The following BNC2 variants were observed in gnomAD, a reference collection of about 807,000 sequenced individuals.
The protein encoded by BNC2 is zinc finger protein basonuclin-2.
BNC2 carries 20 observed loss-of-function variants against 76.3 expected under a neutral mutation model. The observed-to-expected ratio is 0.26, with a 90% CI of 0.18 to 0.38. BNC2 has a LOEUF of 0.38. Among genes scored for constraint, BNC2 ranks in the 10% least tolerant of loss-of-function variants. BNC2 has a pLI of 1.00. For synonymous variants in BNC2, 582 were observed against 514.8 expected, an observed-to-expected ratio of 1.13 and a Z score of -1.77; for missense variants, 1,382 against 1,399.8, an observed-to-expected ratio of 0.99 and a Z score of 0.20.
chr9:16,417,698 T>G lies in BNC2; in HGVS notation c.*1291A>C, dbSNP rs1820613967. 6.6e-6 allele frequency: 1 copy of G among 152,670 alleles called. No homozygotes were observed. The highest frequency in any genetic ancestry group is 2.1e-4 in the South Asian group (1 of 4,836). The allele number at this position is 152,670 out of a possible 1,614,324, so 9.5% of individuals were successfully genotyped here. A position where few individuals can be genotyped will look rare whatever the true frequency, so the allele number is the denominator to read the frequency against. On this transcript the variant is annotated 3_prime_UTR_variant, in exon 7 of 7. Transcript: ENST00000380672. ...AGGGCCTTGGAAATGAGTGTTCGAC[T>G]CTTTTACTGTATTCATCTTTGTTCC...
intron 3 of BNC2, among the ~76,000 whole-genome samples, chr9:16,719,726 C>T (rs932257887): frequency 6.6e-6 from 1 of 152,126 alleles, no homozygotes; most frequent in East Asian, 1.9e-4. Context: ...AAGAGTGAAT[C>T]CTCCTCATGT....
At chr9:16,521,565 A>G (rs1024968798) in intron 5 of BNC2, among the ~76,000 whole-genome samples, 3 of 152,214 alleles carry the variant, frequency 2.0e-5, no homozygotes, top group Admixed American at 6.5e-5. Flanking sequence ...GAAAAGAGTA[A>G]TGTACTCTTC....
At chr9:16,859,699 T>C (rs540659175) in intron 1 of BNC2, among the ~76,000 whole-genome samples, 1 of 152,188 alleles carries the variant, frequency 6.6e-6, no homozygotes, top group African/African-American at 2.4e-5. Flanking sequence ...TTCCCAGGGC[T>C]GGGAGGAAAA....
At chr9:16,851,629 C>T (rs1171696148) in intron 1 of BNC2, among the ~76,000 whole-genome samples, 1 of 152,192 alleles carries the variant, frequency 6.6e-6, no homozygotes, top group Non-Finnish European at 1.5e-5. Flanking sequence ...TAAAACTTTT[C>T]ATAGCAATGA....
intron 1 of BNC2, among the ~76,000 whole-genome samples, chr9:16,830,467 T>G (rs1818555162): frequency 6.6e-6 from 1 of 152,238 alleles, no homozygotes; most frequent in Non-Finnish European, 1.5e-5. Flanking sequence ...AAATATTTGA[T>G]ATACTATACT....
At chr9:16,487,640 A>C (rs1167096392) in intron 5 of BNC2, among the ~76,000 whole-genome samples, 3 of 152,246 alleles carry the variant, frequency 2.0e-5, no homozygotes, top group Non-Finnish European at 4.4e-5. Flanking sequence ...GCCAAGTCCT[A>C]TGAGAAAAAA....
chr9:16,598,675 T>C (rs1587218198), intron 3 of BNC2, among the ~76,000 whole-genome samples: 1 of 152,326 alleles, frequency 6.6e-6, no homozygotes, highest in African/African-American at 2.4e-5. Flanking sequence ...CCTGTCATTA[T>C]AGAAAAGCAT....
chr9:16,691,323 T>C (rs1267489842), intron 3 of BNC2, among the ~76,000 whole-genome samples: 1 of 152,140 alleles, frequency 6.6e-6, no homozygotes, highest in Non-Finnish European at 1.5e-5. Flanking sequence ...TTGATAAAAA[T>C]GGATAGAAGT....
intron 4 of BNC2, among the ~76,000 whole-genome samples, chr9:16,572,896 C>A (rs1188292941): frequency 1.7e-4 from 26 of 152,102 alleles, no homozygotes; most frequent in Non-Finnish European, 1.5e-5. Flanking sequence ...CAAATATATT[C>A]TCTCATACCT....
chr9:16,744,029 C>G (rs567637026), intron 1 of BNC2, among the ~76,000 whole-genome samples: 6 of 152,100 alleles, frequency 3.9e-5, no homozygotes, highest in Non-Finnish European at 7.4e-5. Context: ...TGCAGTGGCG[C>G]GATCTCTGCT....
At chr9:16,687,995 A>G (rs1354296019) in intron 3 of BNC2, among the ~76,000 whole-genome samples, 2 of 152,198 alleles carry the variant, frequency 1.3e-5, no homozygotes, top group African/African-American at 4.8e-5. Context: ...GGAAGTGGGT[A>G]CATTTTCAAA....
chr9:16,769,249 C>G (rs1231889994), intron 1 of BNC2, among the ~76,000 whole-genome samples: 1 of 152,168 alleles, frequency 6.6e-6, no homozygotes, highest in Non-Finnish European at 1.5e-5. Context: ...GGTCTGCAGG[C>G]TTCATGAGCA....
At chr9:16,798,525 G>A (rs900776311) in intron 1 of BNC2, among the ~76,000 whole-genome samples, 2 of 152,134 alleles carry the variant, frequency 1.3e-5, no homozygotes, top group African/African-American at 4.8e-5. Context: ...AAGTGACAAA[G>A]CAGTCTCTTG....
At chr9:16,609,035 GAACACAGCCTTGTGAAAGAT>G (rs1287420020) in intron 3 of BNC2, among the ~76,000 whole-genome samples, 1 of 152,110 alleles carries the variant, frequency 6.6e-6, no homozygotes, top group Non-Finnish European at 1.5e-5. Flanking sequence ...TTAGCACCTA[GAACACAGCCTTGTGAAAGAT>G]GCGCAACATG....
At chr9:16,443,489 C>T (rs1027878339) in intron 5 of BNC2, among the ~76,000 whole-genome samples, 1 of 151,820 alleles carries the variant, frequency 6.6e-6, no homozygotes, top group Non-Finnish European at 1.5e-5. Context: ...AAATTTCAAG[C>T]CTACCTAGCT....
intron 3 of BNC2, among the ~76,000 whole-genome samples, chr9:16,716,368 A>C (rs977156581): frequency 6.6e-6 from 1 of 152,228 alleles, no homozygotes; most frequent in African/African-American, 2.4e-5. Flanking sequence ...CAAATGACCC[A>C]AAAAGTCATG....
At chr9:16,691,867 G>C (rs1823183461) in intron 3 of BNC2, among the ~76,000 whole-genome samples, 1 of 144,698 alleles carries the variant, frequency 6.9e-6, no homozygotes. Flanking sequence ...CTGGAGTGCA[G>C]TGGCGCAATC....
At chr9:16,767,662 T>G (rs913592880) in intron 1 of BNC2, among the ~76,000 whole-genome samples, 4 of 152,134 alleles carry the variant, frequency 2.6e-5, no homozygotes. Flanking sequence ...AAAGCCAAAA[T>G]TTGCTGTGTT....
intron 1 of BNC2, among the ~76,000 whole-genome samples, chr9:16,782,907 T>C (rs1008896088): frequency 6.6e-6 from 1 of 152,212 alleles, no homozygotes; most frequent in Non-Finnish European, 1.5e-5. Flanking sequence ...TAGTCTACCT[T>C]AGAAGCTAGG....
Sources: allele counts gnomAD v4.1 joint callset (sites outside exome capture counted in the v4.1 genomes callset), GRCh38; gene constraint gnomAD v4.1.1; transcripts MANE v1.5; gene names NCBI Gene and HGNC (gene_info 2026-07-23, HGNC 2026-07-21).